Variants in LPCAT1 observed in about 807,000 individuals in gnomAD.
LPCAT1 encodes lysophosphatidylcholine acyltransferase 1.
A neutral mutation model predicts 60.9 loss-of-function variants in LPCAT1; 23 were observed. The ratio of observed to expected loss-of-function variants is 0.38; its 90% CI spans 0.27 to 0.53. LPCAT1 has a LOEUF of 0.53. Ranked by LOEUF, LPCAT1 falls within the 20% of genes least tolerant of loss-of-function variation. LPCAT1 has a pLI of 0.82. For synonymous variants in LPCAT1, 340 were observed against 301.1 expected (o/e 1.13, Z -1.34); for missense variants, 622 against 723.6 (o/e 0.86, Z 1.61).
In LPCAT1 at chr5:1,496,629, C is replaced by T. The variant is rs565054226; in HGVS notation, c.279-1715G>A. On this transcript the variant is annotated intron_variant, in intron 2 of 13. Coordinates refer to ENST00000283415, the MANE Select transcript of LPCAT1 (RefSeq NM_024830.5). This position sits in a 1 kb window ranked among gnomAD's most constrained non-coding sequence, Gnocchi z 4.7. ...GGCGGCCCTTAGAGGAACACACCTG[C>T]CAGCCCCGAAATCGAATTGCAGGGA... is the stretch of plus-strand genomic sequence containing the variant. Among the ~76,000 whole-genome samples, 2 of 152,212 alleles carry T rather than the reference C, an allele frequency of 1.3e-5. No homozygotes were observed. The highest frequency in any genetic ancestry group is 4.2e-4 in the South Asian group (2 of 4,816).
At chr5:1,508,698 T>C (rs1358986660) in intron 1 of LPCAT1, among the ~76,000 whole-genome samples, 2 of 152,174 alleles carry the variant, frequency 1.3e-5, no homozygotes, top group African/African-American at 2.4e-5. Flanking sequence ...TTTCCCATGA[T>C]AAAAAGTATA....
In LPCAT1 at chr5:1,495,869, G is replaced by A. The variant is rs375308585; in HGVS notation, c.279-955C>T. 6.6e-6 allele frequency among the ~76,000 whole-genome samples: 1 copy of A among 152,254 alleles called. No individual in the cohort carries two copies. Among genetic ancestry groups the A allele is most frequent in the Admixed American group, 6.5e-5 (1 of 15,288 alleles). The stretch of plus-strand genomic sequence containing the variant: ...AGGACAGGGGTCCCCATGGATCTGA[G>A]CCAAGGCGGTTGCTAGGAGGGCACA... On this transcript the variant is annotated intron_variant, in intron 2 of 13. Coordinates refer to ENST00000283415, the MANE Select transcript of LPCAT1 (RefSeq NM_024830.5). This position sits in a 1 kb window ranked among gnomAD's most constrained non-coding sequence, Gnocchi z 4.7.
intron 12 of LPCAT1, among the ~76,000 whole-genome samples, chr5:1,469,718 T>C (rs1734590319): frequency 1.3e-5 from 2 of 151,932 alleles, no homozygotes; most frequent in African/African-American, 2.4e-5. Context: ...CAGAGGTTGG[T>C]TGCAGTGAGC....
intron 11 of LPCAT1, among the ~76,000 whole-genome samples, chr5:1,471,808 A>G (rs1338975973): frequency 6.6e-6 from 1 of 151,096 alleles, no homozygotes; most frequent in Non-Finnish European, 1.5e-5. Context: ...AGAAGCACTC[A>G]GGACAGGGGG....
chr5:1,523,765 G>T lies in LPCAT1; in HGVS notation c.80C>A (p.Pro27Gln). The change falls in exon 1 of 14, where the codon CCG becomes CAG. Residue 27 changes from proline (P) to glutamine (Q), a missense_variant. Around this residue, in one of 3 missense-constraint regions of LPCAT1, gnomAD observed 125 missense variants for 114.5 expected, o/e 1.09. Coordinates refer to ENST00000283415, the MANE Select transcript of LPCAT1 (RefSeq NM_024830.5). This position sits in a 1 kb window ranked among gnomAD's most constrained non-coding sequence, Gnocchi z 7.1. ...GASDARLLAP[P>Q]GRNPFVHELR... ...CTCGTGCACGAAGGGGTTCCGCCCC[G>T]GGGGCGCCAGCAGCCGAGCGTCGCT... is the stretch of plus-strand genomic sequence containing the variant. 8.7e-7 allele frequency: 1 copy of T among 1,155,528 alleles called. No homozygotes were observed. Among genetic ancestry groups the T allele is most frequent in the Non-Finnish European group, 1.1e-6 (1 of 934,548 alleles). 71.6% of individuals were successfully genotyped at this position (1,155,528 alleles called of 1,614,324 possible).
rs1180990772 is a variant in LPCAT1, at chr5:1,487,212, A to G, written c.667+1179T>C. ...GTCTTCTGCCTGGGGCCTTGGAAAC[A>G]CGGCCCACTTTTGGCCTTCACCAAG... On this transcript the variant is annotated intron_variant, in intron 5 of 13. Transcript: ENST00000283415. This position sits in a 1 kb window ranked among gnomAD's most constrained non-coding sequence, Gnocchi z 6.1. 6.6e-6 allele frequency among the ~76,000 whole-genome samples: 1 copy of G among 152,178 alleles called. No individual in the cohort carries two copies. Among genetic ancestry groups the G allele is most frequent in the Non-Finnish European group, 1.5e-5 (1 of 68,044 alleles).
intron 1 of LPCAT1, among the ~76,000 whole-genome samples, chr5:1,506,862 G>C (rs1736202372): frequency 6.6e-6 from 1 of 152,144 alleles, no homozygotes; most frequent in South Asian, 2.1e-4. Context: ...GCAGCCACAG[G>C]GACACCTGTC....
In LPCAT1 at chr5:1,495,649, G is replaced by A. The variant is rs115859739; in HGVS notation, c.279-735C>T. ...TCAGGGAATTGACACGCAGCAGACA[G>A]CCACGGTGTGTGAGAAGCCACAGGT... On this transcript the variant is annotated intron_variant, in intron 2 of 13. Coordinates refer to ENST00000283415, the MANE Select transcript of LPCAT1 (RefSeq NM_024830.5). This position sits in a 1 kb window ranked among gnomAD's most constrained non-coding sequence, Gnocchi z 4.7. 6.6e-6 allele frequency among the ~76,000 whole-genome samples: 1 copy of A among 152,182 alleles called. No individual in the cohort carries two copies. The highest frequency in any genetic ancestry group is 1.5e-5 in the Non-Finnish European group (1 of 68,036).
chr5:1,514,742 A>G (rs1461064500), intron 1 of LPCAT1, among the ~76,000 whole-genome samples: 7 of 152,084 alleles, frequency 4.6e-5, no homozygotes, highest in Non-Finnish European at 8.8e-5. Flanking sequence ...GGCTCAGGAG[A>G]AGCAGGCTCC....
chr5:1,492,649 T>C (rs1003729584), intron 3 of LPCAT1, among the ~76,000 whole-genome samples: 4 of 152,212 alleles, frequency 2.6e-5, no homozygotes, highest in Non-Finnish European at 5.9e-5. Context: ...GCTGTGGCCA[T>C]TCTTCCTGCT....
intron 3 of LPCAT1, among the ~76,000 whole-genome samples, chr5:1,493,972 C>G (rs919326088): frequency 2.0e-4 from 31 of 152,238 alleles, no homozygotes; most frequent in African/African-American, 6.8e-4. Flanking sequence ...GAGGCAGAGT[C>G]AGAGGGACGC....
At chr5:1,518,885 G>A (rs1736588547) in intron 1 of LPCAT1, among the ~76,000 whole-genome samples, 1 of 152,238 alleles carries the variant, frequency 6.6e-6, no homozygotes, top group South Asian at 2.1e-4. Flanking sequence ...AGGCGCCCTG[G>A]GTGTCATCTC....
rs1408232079 is a variant in LPCAT1, at chr5:1,476,400, G to C, written c.899+1004C>G. On this transcript the variant is annotated intron_variant, in intron 9 of 13. Coordinates refer to ENST00000283415, the MANE Select transcript of LPCAT1 (RefSeq NM_024830.5). This position sits in a 1 kb window ranked among gnomAD's most constrained non-coding sequence, Gnocchi z 8.6. Reference sequence around the variant, plus strand: ...TTTGGGAGGGAGAGGATGGGAACGTGAGGGAACGGGCCGCCCAGCTGAATC... The same window carrying C: ...TTTGGGAGGGAGAGGATGGGAACGTCAGGGAACGGGCCGCCCAGCTGAATC... Among the ~76,000 whole-genome samples, 1 of 152,172 alleles carries C rather than the reference G, an allele frequency of 6.6e-6. No individual in the cohort carries two copies. Among genetic ancestry groups the C allele is most frequent in the Non-Finnish European group, 1.5e-5 (1 of 68,038 alleles).
At chr5:1,470,952 G>C in intron 11 of LPCAT1, 28 bp from the exon 12 acceptor site, 1 of 1,600,396 alleles carries the variant, frequency 6.2e-7, no homozygotes, top group Non-Finnish European at 8.5e-7. Flanking sequence ...CTCAGCCACA[G>C]CTCGGCCGCC....
chr5:1,502,425 C>T lies in LPCAT1; in HGVS notation c.136-822G>A, dbSNP rs115895228. On this transcript the variant is annotated intron_variant, in intron 1 of 13. Coordinates refer to ENST00000283415, the MANE Select transcript of LPCAT1 (RefSeq NM_024830.5). The surrounding 1 kb of genome is among the most constrained non-coding windows in gnomAD (Gnocchi z 5.5). ...GTTGGACCTCAGACCACAGAGAAGA[C>T]GGCAGAATGAAGGTGTGACTTTCCA... Among the ~76,000 whole-genome samples the T allele has an allele frequency of 1.3e-5, 2 of 152,228 alleles. No homozygotes were observed. The highest frequency in any genetic ancestry group is 2.4e-5 in the African/African-American group (1 of 41,538).
chr5:1,463,650 C>A lies in LPCAT1; in HGVS notation c.*1G>T. The stretch of plus-strand genomic sequence containing the variant: ...GCCGCGTCTCTCCGCAACCCTGGGT[C>A]CTAATCCAGCTTCTTGCGAACAGGC... On this transcript the variant is annotated 3_prime_UTR_variant, in exon 14 of 14. Coordinates refer to ENST00000283415, the MANE Select transcript of LPCAT1 (RefSeq NM_024830.5). 6.2e-7 allele frequency: 1 copy of A among 1,613,998 alleles called. No individual in the cohort carries two copies. The highest frequency in any genetic ancestry group is 1.1e-5 in the South Asian group (1 of 91,076).
In LPCAT1 at chr5:1,483,345, G is replaced by C; in HGVS notation, c.726+83C>G. ...CAGATAAAGGGTGTGGAGAGACAGAGACACAGGTGCACAGAGGCAGCTCGC... is the reference window on the plus strand; with the variant it reads ...CAGATAAAGGGTGTGGAGAGACAGACACACAGGTGCACAGAGGCAGCTCGC... On this transcript the variant is annotated intron_variant, in intron 6 of 13. Coordinates refer to ENST00000283415, the MANE Select transcript of LPCAT1 (RefSeq NM_024830.5). The surrounding 1 kb of genome is among the most constrained non-coding windows in gnomAD (Gnocchi z 9.2). The C allele has an allele frequency of 7.2e-7, 1 of 1,382,270 alleles. No homozygotes were observed. The highest frequency in any genetic ancestry group is 1.0e-6 in the Non-Finnish European group (1 of 969,610). 85.6% of individuals were successfully genotyped at this position (1,382,270 alleles called of 1,614,324 possible).
At position 1,522,588 on chromosome 5, in the gene LPCAT1, G is replaced by C. The variant is rs990916848; in HGVS notation, c.135+1122C>G. Among the ~76,000 whole-genome samples the C allele has an allele frequency of 2.6e-5, 4 of 152,212 alleles. No individual in the cohort carries two copies. The highest frequency in any genetic ancestry group is 4.8e-5 in the African/African-American group (2 of 41,444). ...AGGACCAGCCGCATCAAGGGGCTTT[G>C]AGCAAAAGCAGGCGTCCTGGGAAAA... On this transcript the variant is annotated intron_variant, in intron 1 of 13. Transcript: ENST00000283415. This position sits in a 1 kb window ranked among gnomAD's most constrained non-coding sequence, Gnocchi z 6.8.
Position 1,521,266 on chromosome 5 carries a change from G to T in LPCAT1, c.135+2444C>A. 1 of 905,574 alleles carries T rather than the reference G, an allele frequency of 1.1e-6. No homozygotes were observed. Among genetic ancestry groups the T allele is most frequent in the Non-Finnish European group, 1.3e-6 (1 of 757,268 alleles). 56.1% of individuals were successfully genotyped at this position (905,574 alleles called of 1,614,324 possible). On this transcript the variant is annotated intron_variant, in intron 1 of 13. Transcript: ENST00000283415. The surrounding 1 kb of genome is among the most constrained non-coding windows in gnomAD (Gnocchi z 4.3). ...AGATGGGCTGGCTGGAGGAGGAGGT[G>T]TCCCCGCATGGCGCTAATCCGAAGA...
Sources: gnomAD v4.1 joint callset for allele counts (sites outside exome capture counted in the v4.1 genomes callset) on GRCh38, gnomAD v4.1.1 for gene constraint, gnomAD v4.1.1 regional missense constraint, Gnocchi (gnomAD v3.1) non-coding constraint, MANE v1.5 for transcripts, NCBI Gene and HGNC (gene_info 2026-07-23, HGNC 2026-07-21) for gene names.